EBF4: variants seen among roughly 807,000 people sequenced by gnomAD.
EBF4 encodes the protein EBF transcription factor 4.
Under a neutral mutation model 67.1 loss-of-function variants are expected in EBF4, and 34 were observed. That is an observed-to-expected ratio of 0.51 (90% CI 0.39 to 0.67). EBF4 has a LOEUF of 0.67. EBF4 is among the 30% of genes least tolerant of loss of function. The pLI, the probability that EBF4 is intolerant of heterozygous loss-of-function variation, is 0.00. For missense variants in EBF4, 837 were observed against 873.3 expected (o/e 0.96, Z 0.52); for synonymous variants, 387 against 377.7 (o/e 1.02, Z -0.29).
intron 1 of EBF4, among the ~76,000 whole-genome samples, chr20:2,694,588 G>C (rs1461852435): frequency 1.3e-5 from 2 of 152,160 alleles, no homozygotes; most frequent in African/African-American, 4.8e-5. Flanking sequence ...GAGGCATTTA[G>C]GTATCCTATG....
At position 2,747,136 on chromosome 20, in the gene EBF4, A is replaced by G. The variant is rs1336512660; in HGVS notation, c.558-1413A>G. ...GCAAAACACCGTCTCTACTAAAACTACAAAAAGTAGCCAGGCGTGGTGGCA... is the reference window on the plus strand; with the variant it reads ...GCAAAACACCGTCTCTACTAAAACTGCAAAAAGTAGCCAGGCGTGGTGGCA... On this transcript the variant is annotated intron_variant, in intron 6 of 16. Coordinates refer to ENST00000609451, the Ensembl canonical transcript of EBF4. The surrounding 1 kb of genome is among the most constrained non-coding windows in gnomAD (Gnocchi z 4.6). Among the ~76,000 whole-genome samples, 1 of 152,122 alleles carries G rather than the reference A, an allele frequency of 6.6e-6. No individual in the cohort carries two copies. Among genetic ancestry groups the G allele is most frequent in the African/African-American group, 2.4e-5 (1 of 41,412 alleles).
At chr20:2,749,951 C>T in exon 10 of EBF4, 1 of 1,551,128 alleles carries the variant, frequency 6.4e-7, no homozygotes, top group Non-Finnish European at 8.7e-7. Context: ...GCAAGGGATG[C>T]CCCGGCCGCT....
In EBF4 at chr20:2,698,538, G is replaced by A. The variant is rs534194215; in HGVS notation, c.137+4756G>A. On this transcript the variant is annotated intron_variant, in intron 1 of 16. Coordinates refer to ENST00000609451, the Ensembl canonical transcript of EBF4. ...GTCCAGAGGGTGCCTGCAGGGGAGA[G>A]CAGGGGCCAATGGGATGCTTGGAGG... Among the ~76,000 whole-genome samples the A allele has an allele frequency of 5.3e-5, 8 of 152,336 alleles. 1 individual carries two copies. The South Asian group carries it at 1.7e-3, about 32-fold the overall frequency.
chr20:2,717,403 CAA>C (rs887595834), intron 6 of EBF4, among the ~76,000 whole-genome samples: 1 of 151,940 alleles, frequency 6.6e-6, no homozygotes, highest in Non-Finnish European at 1.5e-5. Context: ...AAAAATAAAA[CAA>C]ATTAGGATTG....
rs149621693 is a variant in EBF4 at position 2,709,050 on chromosome 20, G to C, written c.489-524G>C. The stretch of plus-strand genomic sequence containing the variant: ...AAATTACAAAAATTAGCCAGGCGTG[G>C]TGGTGCACACCTGTAATCCCAGCTA... On this transcript the variant is annotated intron_variant, in intron 5 of 16. Transcript: ENST00000609451. Among the ~76,000 whole-genome samples, 209 of 152,264 alleles carry C rather than the reference G, an allele frequency of 1.4e-3. 2 individuals are homozygous for C. The highest frequency in any genetic ancestry group is 4.8e-3 in the African/African-American group (200 of 41,544).
intron 6 of EBF4, among the ~76,000 whole-genome samples, chr20:2,737,218 C>G (rs5026120): frequency 0.29 from 42,062 of 146,662 alleles, 6,296 homozygotes; most frequent in East Asian, 0.57. Context: ...CCACTGCACT[C>G]CAGCTTGGGT....
chr20:2,727,289 G>T (rs1334417140), intron 6 of EBF4, among the ~76,000 whole-genome samples: 1 of 152,080 alleles, frequency 6.6e-6, no homozygotes, highest in Non-Finnish European at 1.5e-5. Flanking sequence ...GAACATGGGT[G>T]TGCAGATATC....
rs767935388 is a variant in EBF4 at position 2,693,656 on chromosome 20, C to T, written c.11C>T (p.Ala4Val). The T allele has an allele frequency of 3.5e-6, 5 of 1,445,512 alleles. No individual in the cohort carries two copies. The highest frequency in any genetic ancestry group is 6.0e-5 in the East Asian group (2 of 33,170). 89.5% of individuals were successfully genotyped at this position (1,445,512 alleles called of 1,614,324 possible). Reference sequence around the variant, plus strand: ...TCACCGCGCGCCCTCATGTTCCCTGCGCAGGACGCTCTGCCCCGCAGCGGG... The same window carrying T: ...TCACCGCGCGCCCTCATGTTCCCTGTGCAGGACGCTCTGCCCCGCAGCGGG... Residue 4 changes from alanine (A) to valine (V), a missense_variant, in exon 1 of 17, where the codon GCG (alanine) becomes GTG (valine). Ala to Val is a moderately conservative substitution (Grantham distance 64, BLOSUM62 0). Coordinates refer to ENST00000609451, the Ensembl canonical transcript of EBF4. The surrounding 1 kb of genome is among the most constrained non-coding windows in gnomAD (Gnocchi z 4.6).
intron 8 of EBF4, 24 bp downstream of exon 8, chr20:2,749,542 G>C: frequency 6.5e-7 from 1 of 1,538,946 alleles, no homozygotes; most frequent in Non-Finnish European, 8.8e-7. Flanking sequence ...GCCCAGCCCC[G>C]GCCGCCGCGG....
chr20:2,757,200 C>T (rs549487896), intron 15 of EBF4, among the ~76,000 whole-genome samples: 7 of 152,116 alleles, frequency 4.6e-5, no homozygotes, highest in South Asian at 2.1e-4. Context: ...TATGAGAGTC[C>T]GGGGACGCTG....
At chr20:2,704,249 A>G (rs1600202788) in intron 1 of EBF4, among the ~76,000 whole-genome samples, 1 of 152,030 alleles carries the variant, frequency 6.6e-6, no homozygotes, top group Non-Finnish European at 1.5e-5. Flanking sequence ...CATGCAGAGC[A>G]CCAGCCCTAG....
chr20:2,714,245 T>C (rs939754091), intron 6 of EBF4, among the ~76,000 whole-genome samples: 1 of 152,204 alleles, frequency 6.6e-6, no homozygotes, highest in African/African-American at 2.4e-5. Context: ...CTGTGAACTG[T>C]CTGTTCATAT....
intron 6 of EBF4, among the ~76,000 whole-genome samples, chr20:2,725,299 T>C (rs937596396): frequency 6.6e-6 from 1 of 152,224 alleles, no homozygotes; most frequent in Non-Finnish European, 1.5e-5. Context: ...CATTCATCTT[T>C]CAAGTCATTA....
intron 6 of EBF4, among the ~76,000 whole-genome samples, chr20:2,722,288 A>G (rs1209779730): frequency 6.6e-6 from 1 of 150,902 alleles, no homozygotes; most frequent in Non-Finnish European, 1.5e-5. Context: ...GACTTTCCTG[A>G]GTACTCTACC....
chr20:2,750,836 G>C (rs1322644764), intron 10 of EBF4, among the ~76,000 whole-genome samples: 1 of 152,196 alleles, frequency 6.6e-6, no homozygotes. Context: ...TGAGTGGGGA[G>C]GTTGACCTGG....
chr20:2,735,020 C>A (rs1360617819), intron 6 of EBF4, among the ~76,000 whole-genome samples: 4 of 151,984 alleles, frequency 2.6e-5, no homozygotes, highest in Admixed American at 2.6e-4. Context: ...ATCTTATTCC[C>A]CACTTTTTCC....
At chr20:2,717,334 G>A (rs1172389856) in intron 6 of EBF4, among the ~76,000 whole-genome samples, 1 of 152,116 alleles carries the variant, frequency 6.6e-6, no homozygotes, top group African/African-American at 2.4e-5. Flanking sequence ...AGAATATATA[G>A]GGATGGGGAA....
chr20:2,753,096 T>G (rs1289738298), intron 14 of EBF4, among the ~76,000 whole-genome samples: 1 of 152,222 alleles, frequency 6.6e-6, no homozygotes, highest in East Asian at 1.9e-4. Context: ...AATTTGAGTT[T>G]CAGTGTCCAA....
At chr20:2,705,176 G>GC (rs1464381819) in intron 1 of EBF4, among the ~76,000 whole-genome samples, 1 of 152,196 alleles carries the variant, frequency 6.6e-6, no homozygotes, top group East Asian at 1.9e-4. Context: ...TTGTTCTAGG[G>GC]CCCCCGGGGT....
Sources: gnomAD v4.1 joint callset for allele counts (sites outside exome capture counted in the v4.1 genomes callset) on GRCh38, gnomAD v4.1.1 for gene constraint, Gnocchi (gnomAD v3.1) non-coding constraint, MANE v1.5 for transcripts, NCBI Gene and HGNC (gene_info 2026-07-23, HGNC 2026-07-21) for gene names.